Variants in OTX1 observed in about 807,000 individuals in gnomAD.
OTX1 encodes orthodenticle homeobox 1.
A neutral mutation model predicts 26.7 loss-of-function variants in OTX1; 7 were observed. The ratio of observed to expected loss-of-function variants is 0.26; its 90% CI spans 0.15 to 0.49. The LOEUF (loss-of-function observed/expected upper bound fraction) is 0.49, where lower values mean the gene tolerates loss of function less well. OTX1 is among the 20% of genes least tolerant of loss of function. The probability of loss-of-function intolerance (pLI) is 0.98; values close to 1 mark genes in which losing one functional copy is unlikely to be tolerated. For synonymous variants in OTX1, 216 were observed against 212.8 expected (o/e 1.01, Z -0.13); for missense variants, 414 against 483.8 (o/e 0.86, Z 1.35).
rs1485640989 is a variant in OTX1 at position 63,057,424 on chromosome 2, G to C, written c.*1108G>C. 6.6e-6 allele frequency: 1 copy of C among 152,208 alleles called. No individual in the cohort carries two copies. Among genetic ancestry groups the C allele is most frequent in the East Asian group, 1.9e-4 (1 of 5,194 alleles). 9.4% of individuals were successfully genotyped at this position (152,208 alleles called of 1,614,324 possible). A position where few individuals can be genotyped will look rare whatever the true frequency, so the allele number is the denominator to read the frequency against. Reference sequence around the variant, plus strand: ...GGCGCAGGGCTGACCCCCTCACCCGGTCTAAGCACAGGGTCGCAGTTCCAG... The same window carrying C: ...GGCGCAGGGCTGACCCCCTCACCCGCTCTAAGCACAGGGTCGCAGTTCCAG... On this transcript the variant is annotated 3_prime_UTR_variant, in exon 5 of 5. Coordinates refer to ENST00000282549, the MANE Select transcript of OTX1 (RefSeq NM_014562.4).
chr2:63,055,740 G>A lies in OTX1; in HGVS notation c.489G>A (p.Ala163=). The A allele has an allele frequency of 6.2e-7, 1 of 1,612,440 alleles. No individual in the cohort carries two copies. Among genetic ancestry groups the A allele is most frequent in the African/African-American group, 1.3e-5 (1 of 75,018 alleles). Residue 163 remains alanine (A), a synonymous_variant, in exon 5 of 5, where the codon GCG becomes GCA. Transcript: ENST00000282549. The surrounding 1 kb of genome is among the most constrained non-coding windows in gnomAD (Gnocchi z 5.2). ...CGGGACTAGGTGGGAACCCGGTGGC[G>A]GCCGCGTCGTCGCTGAGTACACCAG... The part of the protein sequence containing the change: ...AAAGLGGNPV[A]AASSLSTPAA...
rs762112545 is a variant in OTX1, at chr2:63,054,029, C to T, written c.98-18C>T. 1.2e-6 allele frequency: 2 copies of T among 1,606,462 alleles called. No homozygotes were observed. Among genetic ancestry groups the T allele is most frequent in the South Asian group, 2.2e-5 (2 of 90,098 alleles). ...CGTGGCCACCAATGACCCGCGGCGC[C>T]CCCGCGTGTCCCCGCAGCCACTCCG... On this transcript the variant is annotated intron_variant, in intron 3 of 4. Coordinates refer to ENST00000282549, the MANE Select transcript of OTX1 (RefSeq NM_014562.4).
chr2:63,053,231 G>A (rs1315112435), intron 3 of OTX1, 144 bp downstream of exon 3: 17 of 561,484 alleles, frequency 3.0e-5, no homozygotes, highest in Non-Finnish European at 4.9e-5. Context: ...TACAATACAG[G>A]GCCCACTGCC....
At chr2:63,053,159 T>C (rs919848839) in intron 3 of OTX1, 72 bp downstream of exon 3, 33 of 1,049,222 alleles carry the variant, frequency 3.1e-5, no homozygotes, top group Non-Finnish European at 4.2e-5. Context: ...TGGATTTGAG[T>C]GCAAGCTTTG....
Position 63,054,188 on chromosome 2 carries a change from CT to C in OTX1, c.240del (p.Arg81GlufsTer77). On this transcript the variant is annotated frameshift_variant, in exon 4 of 5. Coordinates refer to ENST00000282549, the MANE Select transcript of OTX1 (RefSeq NM_014562.4). LOFTEE classifies it high-confidence loss of function. ...EVALKINLPE[S>X]RVQVWFKNRR... ...GCGCTCAAGATCAACCTGCCGGAGT[CT>C]AGAGTCCAGGTGCGCACTCCCCGGG... 1 of 1,600,372 alleles carries C rather than the reference CT, an allele frequency of 6.2e-7. No homozygotes were observed. The highest frequency in any genetic ancestry group is 8.5e-7 in the Non-Finnish European group (1 of 1,172,634).
chr2:63,056,156 A>AAGG lies in OTX1; in HGVS notation c.906_908dup (p.Gly303dup). On this transcript the variant is annotated inframe_insertion, in exon 5 of 5. Transcript: ENST00000282549. ...CACCACCATCACCACCACCACCACC[A>AAGG]AGGCTACGGTGGCTCTGGGCTTGCC... The AAGG allele has an allele frequency of 6.2e-7, 1 of 1,613,710 alleles. No homozygotes were observed. Among genetic ancestry groups the AAGG allele is most frequent in the Non-Finnish European group, 8.5e-7 (1 of 1,179,954 alleles).
In OTX1 at chr2:63,054,157, G is replaced by C. The variant is rs780915803; in HGVS notation, c.208G>C (p.Glu70Gln). The C allele has an allele frequency of 6.2e-7, 1 of 1,610,394 alleles. No homozygotes were observed. The highest frequency in any genetic ancestry group is 8.5e-7 in the Non-Finnish European group (1 of 1,178,130). The change falls in exon 4 of 5, where the codon GAG becomes CAG. Residue 70 changes from glutamate (E) to glutamine (Q), a missense_variant. By Grantham distance (29) the Glu-to-Gln change is conservative (BLOSUM62 2). This residue lies in a region of OTX1 where 46 missense variants were observed against 94.3 expected (regional missense o/e 0.49). Transcript: ENST00000282549. Reference sequence around the variant, plus strand: ...CTACCCTGACATCTTCATGCGGGAGGAGGTGGCGCTCAAGATCAACCTGCC... The same window carrying C: ...CTACCCTGACATCTTCATGCGGGAGCAGGTGGCGCTCAAGATCAACCTGCC... ...TRYPDIFMRE[E>Q]VALKINLPES...
In OTX1 at chr2:63,053,007, A is replaced by G. The variant is rs556507857; in HGVS notation, c.17A>G (p.Lys6Arg). The change falls in exon 3 of 5, where the codon AAA becomes AGA. Residue 6 changes from lysine (K) to arginine (R), a missense_variant. By Grantham distance (26) the Lys-to-Arg change is conservative. This residue lies in a region of OTX1 where 48 missense variants were observed against 41.6 expected (regional missense o/e 1.15). Coordinates refer to ENST00000282549, the MANE Select transcript of OTX1 (RefSeq NM_014562.4). Reference protein sequence around the residue: MMSYLKQPPYGMNGLG... With the variant: MMSYLRQPPYGMNGLG... ...GCTGTTAGCATGATGTCTTACCTCA[A>G]ACAACCCCCATACGGCATGAACGGG... 1 of 1,610,698 alleles carries G rather than the reference A, an allele frequency of 6.2e-7. No homozygotes were observed. The highest frequency in any genetic ancestry group is 8.5e-7 in the Non-Finnish European group (1 of 1,178,828).
At chr2:63,053,272 G>A in intron 3 of OTX1, 185 bp downstream of exon 3, 1 of 486,552 alleles carries the variant, frequency 2.1e-6, no homozygotes, top group Non-Finnish European at 3.6e-6. Context: ...GGGCGTGTGA[G>A]GTGGCCAGGG....
upstream of OTX1, chr2:63,049,925 G>A (rs1007583328): frequency 6.6e-6 from 1 of 152,234 alleles, no homozygotes; most frequent in Non-Finnish European, 1.5e-5. This position sits in a 1 kb window ranked among gnomAD's most constrained non-coding sequence, Gnocchi z 4.8. Context: ...TGAGGGCAGG[G>A]GTCTGTGGCC....
intron 1 of OTX1, 76 bp downstream of exon 1, chr2:63,050,973 C>G (rs1469980543): frequency 6.6e-6 from 1 of 152,248 alleles, no homozygotes; most frequent in Non-Finnish European, 1.5e-5. Context: ...CACGTTGCAC[C>G]GGGAGTGCCG....
At chr2:63,053,425 T>C (rs2062040144) in intron 3 of OTX1, 1 of 271,894 alleles carries the variant, frequency 3.7e-6, no homozygotes, top group African/African-American at 2.2e-5. Flanking sequence ...TTCCCCAACA[T>C]GGAATGTGTA....
intron 4 of OTX1, among the ~76,000 whole-genome samples, chr2:63,054,479 G>A (rs2062049421): frequency 6.6e-6 from 1 of 152,264 alleles, no homozygotes; most frequent in Non-Finnish European, 1.5e-5. Context: ...GACTAGGGAA[G>A]CTCCCGAATG....
At chr2:63,050,313 A>G (rs1050996812), upstream of OTX1, among the ~76,000 whole-genome samples, 6 of 151,986 alleles carry the variant, frequency 3.9e-5, no homozygotes, top group African/African-American at 1.5e-4. Context: ...GGCGCCGGGG[A>G]AGAAAACGCT....
chr2:63,053,127 A>C, intron 3 of OTX1, 40 bp downstream of exon 3: 14 of 1,338,756 alleles, frequency 1.0e-5, no homozygotes, highest in Non-Finnish European at 1.4e-5. Flanking sequence ...AGCCTCTCAA[A>C]TGTTGGGGAC....
chr2:63,053,830 C>T (rs2062044801), intron 3 of OTX1: 4 of 573,530 alleles, frequency 7.0e-6, no homozygotes, highest in Non-Finnish European at 1.3e-5. Flanking sequence ...GAGGGGCAGC[C>T]CTCGAATCTT....
At chr2:63,053,351 C>T in intron 3 of OTX1, 1 of 411,072 alleles carries the variant, frequency 2.4e-6, no homozygotes, top group Non-Finnish European at 4.3e-6. Context: ...TGTGGTCCCA[C>T]CGCCAGCGCA....
chr2:63,053,707 A>AGT (rs772740961), intron 3 of OTX1, among the ~76,000 whole-genome samples: 1 of 151,420 alleles, frequency 6.6e-6, no homozygotes, highest in Non-Finnish European at 1.5e-5. Context: ...CCCCATCCAG[A>AGT]GTGTGTGTGT....
chr2:63,056,443 AG>A lies in OTX1; in HGVS notation c.*128del, dbSNP rs1173153724. 4 of 863,824 alleles carry A rather than the reference AG, an allele frequency of 4.6e-6. No individual in the cohort carries two copies. Among genetic ancestry groups the A allele is most frequent in the Non-Finnish European group, 7.0e-6 (4 of 569,422 alleles). 53.5% of individuals were successfully genotyped at this position (863,824 alleles called of 1,614,324 possible). On this transcript the variant is annotated 3_prime_UTR_variant, in exon 5 of 5. Transcript: ENST00000282549. ...AAAACTGAATTTTCACCCCCCAAAA[AG>A]ATGTCCATTGCCTGCACTGCCGCCC...
Sources: gnomAD v4.1 joint callset for allele counts (sites outside exome capture counted in the v4.1 genomes callset) on GRCh38, gnomAD v4.1.1 for gene constraint, gnomAD v4.1.1 regional missense constraint, Gnocchi (gnomAD v3.1) non-coding constraint, MANE v1.5 for transcripts, NCBI Gene and HGNC (gene_info 2026-07-23, HGNC 2026-07-21) for gene names.